Variants in SPP2 observed in about 807,000 individuals in gnomAD.
SPP2 encodes the protein secreted phosphoprotein 2.
SPP2 carries 34 observed loss-of-function variants against 28.8 expected under a neutral mutation model. The observed-to-expected ratio is 1.18, with a 90% CI of 0.90 to 1.57. The LOEUF (loss-of-function observed/expected upper bound fraction) is 1.57, where lower values mean the gene tolerates loss of function less well. SPP2 is among the 40% of genes most tolerant of loss of function. SPP2 has a pLI of 0.00. For missense variants in SPP2, 269 were observed against 263.9 expected, an observed-to-expected ratio of 1.02 and a Z score of -0.13; for synonymous variants, 96 against 89.4, an observed-to-expected ratio of 1.07 and a Z score of -0.42.
At chr2:234,065,227 G>A (rs992238520) in intron 4 of SPP2, among the ~76,000 whole-genome samples, 10 of 152,096 alleles carry the variant, frequency 6.6e-5, no homozygotes, top group Non-Finnish European at 1.2e-4. Flanking sequence ...TCTTGTTGGT[G>A]CCTGTCTTTT....
At chr2:234,057,045 A>G (rs1199130058) in intron 2 of SPP2, among the ~76,000 whole-genome samples, 1 of 152,060 alleles carries the variant, frequency 6.6e-6, no homozygotes, top group Non-Finnish European at 1.5e-5. Context: ...AATTTGCTGC[A>G]AGGTGGGTTC....
At chr2:234,068,501 A>C (rs542906232) in intron 6 of SPP2, among the ~76,000 whole-genome samples, 1 of 152,320 alleles carries the variant, frequency 6.6e-6, no homozygotes, top group South Asian at 2.1e-4. Context: ...CAATGAGCTC[A>C]AAGTCTGACC....
chr2:234,055,962 C>CAT (rs1403500077), intron 2 of SPP2: 2 of 151,790 alleles, frequency 1.3e-5, no homozygotes, highest in African/African-American at 2.4e-5. Flanking sequence ...AGGTTTGTTA[C>CAT]ATATATATAC....
At chr2:234,070,048 G>A (rs766942332) in intron 7 of SPP2, 25 bp downstream of exon 7, 12 of 1,582,060 alleles carry the variant, frequency 7.6e-6, no homozygotes, top group Non-Finnish European at 9.6e-6. Flanking sequence ...GTGCACACAA[G>A]TGTATTTAGA....
At chr2:234,060,615 A>T in intron 4 of SPP2, 136 bp downstream of exon 4, 1 of 676,138 alleles carries the variant, frequency 1.5e-6, no homozygotes, top group Non-Finnish European at 2.6e-6. Flanking sequence ...ACACAGTGGG[A>T]TTCTCTCTTG....
chr2:234,064,852 T>C (rs903468636), intron 4 of SPP2, among the ~76,000 whole-genome samples: 1 of 152,268 alleles, frequency 6.6e-6, no homozygotes, highest in Admixed American at 6.5e-5. Flanking sequence ...AGCATAATGT[T>C]CTGGAGGTTT....
intron 4 of SPP2, among the ~76,000 whole-genome samples, chr2:234,062,186 T>C (rs1693731952): frequency 7.3e-6 from 1 of 136,134 alleles, no homozygotes; most frequent in Admixed American, 7.6e-5. Flanking sequence ...AAGCAGGAAT[T>C]ACCCTATCAG....
chr2:234,065,789 G>C (rs1317130897), intron 4 of SPP2, among the ~76,000 whole-genome samples: 1 of 151,954 alleles, frequency 6.6e-6, no homozygotes, highest in Admixed American at 6.6e-5. Context: ...AAATTTTGAT[G>C]AACTCCAGTT....
chr2:234,058,980 C>A lies in SPP2; in HGVS notation c.333+22C>A, dbSNP rs185009416. On this transcript the variant is annotated intron_variant, in intron 3 of 7. Coordinates refer to ENST00000168148, the MANE Select transcript of SPP2 (RefSeq NM_006944.3). ...TGTGGTAAGTGGGAGGAGACCCATC[C>A]CAGAAATGAACAAAAGGAAGAGCCT... The A allele has an allele frequency of 2.2e-3, 3,442 of 1,599,506 alleles. 8 individuals carry two copies. The highest frequency in any genetic ancestry group is 2.4e-3 in the Non-Finnish European group (2,856 of 1,174,712).
At chr2:234,066,933 C>A (rs1378687252) in intron 5 of SPP2, among the ~76,000 whole-genome samples, 1 of 152,170 alleles carries the variant, frequency 6.6e-6, no homozygotes, top group African/African-American at 2.4e-5. Flanking sequence ...TGAATTCTAT[C>A]GTCTTTCAGC....
chr2:234,061,096 T>C (rs1419161076), intron 4 of SPP2, among the ~76,000 whole-genome samples: 1 of 152,316 alleles, frequency 6.6e-6, no homozygotes, highest in South Asian at 2.1e-4. Flanking sequence ...GGCTTGGCAC[T>C]GGGATACTCA....
intron 3 of SPP2, among the ~76,000 whole-genome samples, chr2:234,059,664 T>C (rs1239061370): frequency 1.3e-5 from 2 of 152,228 alleles, no homozygotes; most frequent in African/African-American, 2.4e-5. Flanking sequence ...GCTTACATAC[T>C]GTAGGGAATT....
At chr2:234,060,747 G>A (rs77322691) in intron 4 of SPP2, among the ~76,000 whole-genome samples, 23 of 148,852 alleles carry the variant, frequency 1.5e-4, no homozygotes, top group Non-Finnish European at 3.0e-4. Context: ...ACACACACAC[G>A]CACACACACA....
intron 6 of SPP2, among the ~76,000 whole-genome samples, chr2:234,067,777 C>CAAAA (rs56184185): frequency 8.5e-4 from 54 of 63,490 alleles, no homozygotes; most frequent in African/African-American, 3.5e-3. Context: ...GACTCCGTCT[C>CAAAA]AAAAAAAAAA....
At chr2:234,061,774 G>C (rs927020250) in intron 4 of SPP2, among the ~76,000 whole-genome samples, 2 of 152,144 alleles carry the variant, frequency 1.3e-5, no homozygotes, top group African/African-American at 2.4e-5. Context: ...ACTTAACACA[G>C]TTTATTAGGA....
chr2:234,055,847 G>A (rs535624284), intron 2 of SPP2, among the ~76,000 whole-genome samples: 2 of 134,902 alleles, frequency 1.5e-5, no homozygotes, highest in East Asian at 4.8e-4. Flanking sequence ...ATTTTCTCCA[G>A]TTGACTTCTT....
intron 6 of SPP2, among the ~76,000 whole-genome samples, chr2:234,069,192 AAGAGAG>A (rs143384388): frequency 2.0e-4 from 30 of 149,676 alleles, no homozygotes; most frequent in East Asian, 3.9e-4. Flanking sequence ...ATTTGAGAGA[AAGAGAG>A]AGAGAGAGAG....
chr2:234,075,025 G>T (rs958383265), intron 7 of SPP2, among the ~76,000 whole-genome samples: 2 of 149,434 alleles, frequency 1.3e-5, no homozygotes, highest in African/African-American at 4.9e-5. Context: ...AAAAAAATGG[G>T]GCACTAAATA....
chr2:234,054,445 T>TA (rs1669906727), intron 2 of SPP2, among the ~76,000 whole-genome samples: 1 of 152,142 alleles, frequency 6.6e-6, no homozygotes, highest in Non-Finnish European at 1.5e-5. Context: ...AGGTGGTGCA[T>TA]AAAAAACACC....
Sources: gnomAD v4.1 joint callset for allele counts (sites outside exome capture counted in the v4.1 genomes callset) on GRCh38, gnomAD v4.1.1 for gene constraint, MANE v1.5 for transcripts, NCBI Gene and HGNC (gene_info 2026-07-23, HGNC 2026-07-21) for gene names.